PLA2G4A: variants seen among roughly 807,000 people sequenced by gnomAD.
PLA2G4A encodes phospholipase A2 group IVA.
A neutral mutation model predicts 81.9 loss-of-function variants in PLA2G4A; 40 were observed. The observed-to-expected ratio is 0.49, with a 90% CI of 0.38 to 0.64. PLA2G4A has a LOEUF of 0.64. Ranked by LOEUF, PLA2G4A falls within the 30% of genes least tolerant of loss-of-function variation. The pLI, the probability that PLA2G4A is intolerant of heterozygous loss-of-function variation, is 0.00. For synonymous variants in PLA2G4A, 302 were observed against 296.9 expected, an observed-to-expected ratio of 1.02 and a Z score of -0.18; for missense variants, 715 against 905.1, an observed-to-expected ratio of 0.79 and a Z score of 2.69.
intron 16 of PLA2G4A, 151 bp downstream of exon 16, chr1:186,977,939 C>A: frequency 1.5e-6 from 1 of 668,062 alleles, no homozygotes; most frequent in South Asian, 1.7e-5. Context: ...TCTGAGACCT[C>A]AAGTACTTCT....
chr1:186,869,933 C>G (rs186288244), intron 2 of PLA2G4A, among the ~76,000 whole-genome samples: 1 of 152,298 alleles, frequency 6.6e-6, no homozygotes, highest in East Asian at 1.9e-4. Flanking sequence ...TGATTTCTAA[C>G]AAATGCATTA....
chr1:186,862,717 A>G (rs1159076736), intron 2 of PLA2G4A, among the ~76,000 whole-genome samples: 1 of 152,196 alleles, frequency 6.6e-6, no homozygotes, highest in Non-Finnish European at 1.5e-5. Context: ...ATGACATATC[A>G]TCTAGGGCAG....
intron 7 of PLA2G4A, among the ~76,000 whole-genome samples, chr1:186,917,544 G>A (rs573386961): frequency 3.0e-4 from 45 of 152,234 alleles, no homozygotes; most frequent in African/African-American, 9.9e-4. Flanking sequence ...GTCAGTAGGC[G>A]GTATGTAGCT....
intron 13 of PLA2G4A, among the ~76,000 whole-genome samples, chr1:186,951,947 A>T (rs960361357): frequency 5.3e-5 from 8 of 152,120 alleles, no homozygotes; most frequent in Non-Finnish European, 1.2e-4. Context: ...TCAAATAATG[A>T]CCAGCAGCCC....
intron 2 of PLA2G4A, among the ~76,000 whole-genome samples, chr1:186,867,114 A>T (rs986724988): frequency 6.6e-6 from 1 of 152,082 alleles, no homozygotes; most frequent in Non-Finnish European, 1.5e-5. Flanking sequence ...GTAGCTTTAT[A>T]GTAAGTCTTG....
intron 3 of PLA2G4A, among the ~76,000 whole-genome samples, chr1:186,874,458 C>G (rs543368284): frequency 5.6e-4 from 85 of 152,168 alleles, no homozygotes; most frequent in African/African-American, 1.9e-3. Flanking sequence ...CCATGTTTCA[C>G]TCCCTGCTAT....
intron 3 of PLA2G4A, among the ~76,000 whole-genome samples, chr1:186,890,977 G>C (rs986517419): frequency 6.6e-6 from 1 of 151,808 alleles, no homozygotes; most frequent in Non-Finnish European, 1.5e-5. Flanking sequence ...AAGTTGTTCA[G>C]TGTACAACCT....
chr1:186,969,000 T>A (rs924396298), intron 15 of PLA2G4A, among the ~76,000 whole-genome samples: 3 of 151,930 alleles, frequency 2.0e-5, no homozygotes, highest in Non-Finnish European at 4.4e-5. Context: ...GCTTATTATA[T>A]ATTGATGTTT....
chr1:186,920,028 G>C (rs1054033645), intron 7 of PLA2G4A, among the ~76,000 whole-genome samples: 1 of 152,176 alleles, frequency 6.6e-6, no homozygotes, highest in Non-Finnish European at 1.5e-5. Flanking sequence ...CAGGCTTAAC[G>C]TCTATGAGCA....
chr1:186,837,259 T>G (rs1651810159), intron 1 of PLA2G4A, among the ~76,000 whole-genome samples: 1 of 152,012 alleles, frequency 6.6e-6, no homozygotes, highest in African/African-American at 2.4e-5. Context: ...AATTTACAAA[T>G]GGGATGGGAG....
Position 186,929,744 on chromosome 1 carries a change from T to C in PLA2G4A, c.559-3019T>C, listed in dbSNP as rs936577082. Among the ~76,000 whole-genome samples, 25 of 152,196 alleles carry C rather than the reference T, an allele frequency of 1.6e-4. 1 individual carries two copies. The highest frequency in any genetic ancestry group is 1.4e-3 in the Admixed American group (22 of 15,268). ...GACATTGGAAAAAAAATCTTCTTTA[T>C]GTTTAAATTGCTTTATTTTTAAAAA... On this transcript the variant is annotated intron_variant, in intron 7 of 17. Coordinates refer to ENST00000367466, the MANE Select transcript of PLA2G4A (RefSeq NM_024420.3).
intron 14 of PLA2G4A, among the ~76,000 whole-genome samples, chr1:186,964,322 GCACCACA>G (rs1657057759): frequency 6.7e-6 from 1 of 149,954 alleles, no homozygotes; most frequent in South Asian, 2.1e-4. Context: ...TGAATTAGGA[GCACCACA>G]CATAAATGTG....
Position 186,965,427 on chromosome 1 carries a change from G to A in PLA2G4A, c.1598G>A (p.Arg533Gln), listed in dbSNP as rs114563081. The change falls in exon 15 of 18, where the codon CGA (arginine) becomes CAA (glutamine). Residue 533 changes from arginine to glutamine, a missense_variant. Coordinates refer to ENST00000367466, the MANE Select transcript of PLA2G4A (RefSeq NM_024420.3). ...AAVADPDEFE[R>Q]IYEPLDVKSK... The stretch of plus-strand genomic sequence containing the variant: ...TTTTAAGATCCTGATGAATTTGAGC[G>A]AATATATGAGCCTCTGGATGTCAAA... 752 of 1,606,358 alleles carry A rather than the reference G, an allele frequency of 4.7e-4. 2 individuals are homozygous for A. The highest frequency in any genetic ancestry group is 6.1e-4 in the Non-Finnish European group (711 of 1,173,054).
Position 186,896,210 on chromosome 1 carries a change from T to C in PLA2G4A, c.378+1999T>C, listed in dbSNP as rs2102120383. Among the ~76,000 whole-genome samples, 2 of 152,312 alleles carry C rather than the reference T, an allele frequency of 1.3e-5. 1 individual carries two copies. Among genetic ancestry groups the C allele is most frequent in the South Asian group, 4.1e-4 (2 of 4,828 alleles). ...ACATATAGATGTGCACATGTATACA[T>C]ACAGGGCTTAGAACAGTTTCTGGTA... On this transcript the variant is annotated intron_variant, in intron 5 of 17. Coordinates refer to ENST00000367466, the MANE Select transcript of PLA2G4A (RefSeq NM_024420.3).
chr1:186,920,552 G>C (rs533190523), intron 7 of PLA2G4A, among the ~76,000 whole-genome samples: 1 of 152,354 alleles, frequency 6.6e-6, no homozygotes, highest in African/African-American at 2.4e-5. Context: ...CCTTCAGCCA[G>C]ATTAAACAAA....
chr1:186,948,544 A>G (rs2102236848), intron 12 of PLA2G4A, among the ~76,000 whole-genome samples: 1 of 151,560 alleles, frequency 6.6e-6, no homozygotes, highest in African/African-American at 2.4e-5. Context: ...GAAGAAAGAG[A>G]AGATCACATA....
At chr1:186,920,472 G>A (rs956978753) in intron 7 of PLA2G4A, among the ~76,000 whole-genome samples, 1 of 152,162 alleles carries the variant, frequency 6.6e-6, no homozygotes, top group Non-Finnish European at 1.5e-5. Flanking sequence ...TAATGTCCTT[G>A]CCCCCAGTTG....
chr1:186,847,896 T>C (rs1349973388), intron 1 of PLA2G4A, among the ~76,000 whole-genome samples: 2 of 152,022 alleles, frequency 1.3e-5, no homozygotes, highest in East Asian at 1.9e-4. Context: ...TTGGGAAATA[T>C]AAAGGACACA....
chr1:186,929,774 G>T (rs550464165), intron 7 of PLA2G4A, among the ~76,000 whole-genome samples: 49 of 152,140 alleles, frequency 3.2e-4, no homozygotes, highest in Admixed American at 5.2e-4. Flanking sequence ...TAAAAATGGG[G>T]TTATAGGCCC....
Sources: allele counts gnomAD v4.1 joint callset (sites outside exome capture counted in the v4.1 genomes callset), GRCh38; gene constraint gnomAD v4.1.1; transcripts MANE v1.5; gene names NCBI Gene and HGNC (gene_info 2026-07-23, HGNC 2026-07-21).